Variants in CDKAL1 observed in about 807,000 individuals in gnomAD.
CDKAL1 encodes threonylcarbamoyladenosine tRNA methylthiotransferase.
CDKAL1 carries 32 observed loss-of-function variants against 68.2 expected under a neutral mutation model. The ratio of observed to expected loss-of-function variants is 0.47; its 90% CI spans 0.35 to 0.63. The LOEUF is 0.63. Among genes scored for constraint, CDKAL1 ranks in the 30% least tolerant of loss-of-function variants. The pLI is 0.00. For missense variants in CDKAL1, 606 were observed against 696.7 expected, an observed-to-expected ratio of 0.87 and a Z score of 1.47; for synonymous variants, 234 against 244.3, an observed-to-expected ratio of 0.96 and a Z score of 0.39.
chr6:20,760,534 G>A lies in CDKAL1; in HGVS notation c.517+1891G>A, dbSNP rs146041737. On this transcript the variant is annotated intron_variant, in intron 7 of 15. Transcript: ENST00000274695. ...TTTTCCTAATTTTGCAGAGGACCAA[G>A]TTGAGACACAGGTGCATACAGCTAG... Among the ~76,000 whole-genome samples, 82 of 152,294 alleles carry A rather than the reference G, an allele frequency of 5.4e-4. 3 individuals are homozygous for A. The East Asian group carries it at 0.015, about 28-fold the overall frequency.
intron 5 of CDKAL1, among the ~76,000 whole-genome samples, chr6:20,653,288 C>T (rs980515570): frequency 2.6e-5 from 4 of 152,190 alleles, no homozygotes; most frequent in Admixed American, 6.5e-5. Context: ...TATTAGGTAA[C>T]GCCAATTTCT....
chr6:21,230,368 G>A (rs1289284290), intron 15 of CDKAL1, among the ~76,000 whole-genome samples: 1 of 152,146 alleles, frequency 6.6e-6, no homozygotes, highest in Non-Finnish European at 1.5e-5. Flanking sequence ...CACCATGTTG[G>A]CCAGGCTGGT....
At chr6:21,004,307 G>C (rs976811664) in intron 11 of CDKAL1, among the ~76,000 whole-genome samples, 5 of 152,120 alleles carry the variant, frequency 3.3e-5, no homozygotes, top group African/African-American at 4.8e-5. Flanking sequence ...CAACTAAGCT[G>C]GTTCATTATT....
In CDKAL1 at chr6:21,099,130, A is replaced by G. The variant is rs371234247; in HGVS notation, c.1237-9271A>G. On this transcript the variant is annotated intron_variant, in intron 12 of 15. Transcript: ENST00000274695. ...TATCAATTAGAATATCTGGCACTGG[A>G]ACCCACACCTCAGTATTATTTAAAT... is the stretch of plus-strand genomic sequence containing the variant. 2.6e-5 allele frequency among the ~76,000 whole-genome samples: 4 copies of G among 152,198 alleles called. No homozygotes were observed. The South Asian group carries it at 8.3e-4, about 31-fold the overall frequency.
intron 9 of CDKAL1, among the ~76,000 whole-genome samples, chr6:20,912,305 G>A (rs1373843548): frequency 6.6e-6 from 1 of 152,122 alleles, no homozygotes; most frequent in Non-Finnish European, 1.5e-5. Context: ...CTGCTTGGGT[G>A]GGGAGGTAGC....
intron 8 of CDKAL1, among the ~76,000 whole-genome samples, chr6:20,818,856 C>T (rs1484880502): frequency 6.6e-6 from 1 of 151,482 alleles, no homozygotes; most frequent in Non-Finnish European, 1.5e-5. Context: ...CATTGTTCAC[C>T]CTCTTATGGT....
intron 15 of CDKAL1, among the ~76,000 whole-genome samples, chr6:21,226,921 C>A (rs1214697030): frequency 6.6e-6 from 1 of 152,224 alleles, no homozygotes; most frequent in Admixed American, 6.5e-5. Context: ...ACCGTGTTAG[C>A]CAGGATGGTC....
In CDKAL1 at chr6:20,840,476, T is replaced by C. The variant is rs181476111; in HGVS notation, c.639-5599T>C. ...CAGCTGCAATTGTGTTTCAATTTAG[T>C]ACACATATTTTAATGCAGGGGAAAC... is the stretch of plus-strand genomic sequence containing the variant. On this transcript the variant is annotated intron_variant, in intron 8 of 15. Transcript: ENST00000274695. Among the ~76,000 whole-genome samples the C allele has an allele frequency of 8.7e-4, 132 of 152,338 alleles. 2 individuals are homozygous for C. The highest frequency in any genetic ancestry group is 3.4e-3 in the Middle Eastern group (1 of 294).
intron 10 of CDKAL1, among the ~76,000 whole-genome samples, chr6:20,966,949 A>G (rs996782087): frequency 5.9e-5 from 9 of 152,026 alleles, no homozygotes; most frequent in African/African-American, 1.9e-4. Flanking sequence ...GTATTGGTTT[A>G]TCTGTTGTAA....
chr6:21,195,033 C>G (rs1005845358), intron 13 of CDKAL1, among the ~76,000 whole-genome samples: 1 of 152,098 alleles, frequency 6.6e-6, no homozygotes, highest in South Asian at 2.1e-4. Context: ...CCTCCAACTC[C>G]CGGGCTCAAG....
At chr6:20,591,411 G>T (rs572858417) in intron 4 of CDKAL1, among the ~76,000 whole-genome samples, 3 of 152,216 alleles carry the variant, frequency 2.0e-5, no homozygotes, top group South Asian at 4.1e-4. Flanking sequence ...TGGTGTTTTA[G>T]TCATGAAGTC....
At chr6:20,962,854 T>C (rs1258576911) in intron 10 of CDKAL1, among the ~76,000 whole-genome samples, 1 of 152,196 alleles carries the variant, frequency 6.6e-6, no homozygotes, top group Non-Finnish European at 1.5e-5. Context: ...TTTTGAGACA[T>C]GTCAGTATGT....
intron 10 of CDKAL1, among the ~76,000 whole-genome samples, chr6:20,980,828 A>G (rs1766106292): frequency 6.6e-5 from 10 of 152,218 alleles, no homozygotes; most frequent in Middle Eastern, 3.4e-3. Context: ...ACTACAAAAG[A>G]AGTTGAAGAC....
intron 4 of CDKAL1, among the ~76,000 whole-genome samples, chr6:20,625,808 T>C (rs988093568): frequency 3.3e-5 from 5 of 152,136 alleles, no homozygotes; most frequent in African/African-American, 9.7e-5. Flanking sequence ...ATGTAGACTG[T>C]TATGTGAAAA....
At chr6:20,611,150 A>G (rs573094378) in intron 4 of CDKAL1, among the ~76,000 whole-genome samples, 1 of 152,220 alleles carries the variant, frequency 6.6e-6, no homozygotes, top group South Asian at 2.1e-4. Context: ...TTTTAGCCTT[A>G]GTCATCTAAA....
rs60640961 is a variant in CDKAL1 at position 20,996,913 on chromosome 6, G to A, written c.910-3314G>A. Among the ~76,000 whole-genome samples the A allele has an allele frequency of 3.4e-3, 524 of 152,316 alleles. 3 individuals are homozygous for A. The highest frequency in any genetic ancestry group is 0.012 in the African/African-American group (497 of 41,564). Reference sequence around the variant, plus strand: ...TTTGTTCCAGAAATTAAGGCAGGCTGATTAAATGCCTGTTTACCTACTTGA... The same window carrying A: ...TTTGTTCCAGAAATTAAGGCAGGCTAATTAAATGCCTGTTTACCTACTTGA... On this transcript the variant is annotated intron_variant, in intron 10 of 15. Transcript: ENST00000274695.
chr6:20,856,173 C>T (rs1353056128), intron 9 of CDKAL1, among the ~76,000 whole-genome samples: 1 of 152,170 alleles, frequency 6.6e-6, no homozygotes, highest in Non-Finnish European at 1.5e-5. Context: ...ACGTGTTTCC[C>T]ATTGCTTCAT....
intron 6 of CDKAL1, among the ~76,000 whole-genome samples, chr6:20,744,465 T>A (rs1001889709): frequency 1.3e-5 from 2 of 152,160 alleles, no homozygotes; most frequent in African/African-American, 4.8e-5. Flanking sequence ...GTATATAAAA[T>A]CGTCCCAGAT....
At chr6:20,804,938 TTGTTTGAGCCCAGG>T (rs1358920872) in intron 8 of CDKAL1, among the ~76,000 whole-genome samples, 1 of 152,166 alleles carries the variant, frequency 6.6e-6, no homozygotes, top group African/African-American at 2.4e-5. Flanking sequence ...AAAAGTCCTG[TTGTTTGAGCCCAGG>T]TGTTTGAGGT....
Sources: allele counts gnomAD v4.1 joint callset (sites outside exome capture counted in the v4.1 genomes callset), GRCh38; gene constraint gnomAD v4.1.1; transcripts MANE v1.5; gene names NCBI Gene and HGNC (gene_info 2026-07-23, HGNC 2026-07-21).